The following RASAL2 variants were observed in gnomAD, a reference collection of about 807,000 sequenced individuals.
RASAL2 encodes ras GTPase-activating protein nGAP.
In RASAL2, 58 loss-of-function variants were observed where a neutral mutation model predicts 128.9. That is an observed-to-expected ratio of 0.45 (90% CI 0.36 to 0.56). RASAL2 has a LOEUF of 0.56. RASAL2 is among the 20% of genes least tolerant of loss of function. The pLI is 0.00. For synonymous variants in RASAL2, 561 were observed against 580.8 expected, an observed-to-expected ratio of 0.97 and a Z score of 0.49; for missense variants, 1,360 against 1,601.6, an observed-to-expected ratio of 0.85 and a Z score of 2.57.
chr1:178,423,135 A>G (rs1675269206), intron 5 of RASAL2, among the ~76,000 whole-genome samples: 1 of 152,162 alleles, frequency 6.6e-6, no homozygotes. Flanking sequence ...GTCAGTCCAC[A>G]TCATTCTTTT....
intron 3 of RASAL2, among the ~76,000 whole-genome samples, chr1:178,315,302 C>A (rs1473999053): frequency 1.4e-5 from 2 of 145,142 alleles, no homozygotes; most frequent in Non-Finnish European, 3.0e-5. Flanking sequence ...TGGGTATATA[C>A]CCAGTAATGG....
At chr1:178,122,708 C>T (rs1659759747) in intron 1 of RASAL2, among the ~76,000 whole-genome samples, 1 of 151,784 alleles carries the variant, frequency 6.6e-6, no homozygotes, top group Non-Finnish European at 1.5e-5. Flanking sequence ...TTTTGAATGT[C>T]TTGTAATATA....
chr1:178,441,010 G>A (rs1217412159), intron 6 of RASAL2, among the ~76,000 whole-genome samples: 1 of 149,186 alleles, frequency 6.7e-6, no homozygotes, highest in African/African-American at 2.5e-5. Flanking sequence ...TGCCTAAAAG[G>A]CCTTTAATTT....
In RASAL2 at chr1:178,243,398, T is replaced by A. The variant is rs2102059232; in HGVS notation, c.203-40166T>A. On this transcript the variant is annotated intron_variant, in intron 1 of 17. Transcript: ENST00000367649. ...GGTTTTGGCAGGACCTCCCAGCCTG[T>A]GAAAATGAGGAACACTTCCCAGCCT... Among the ~76,000 whole-genome samples the A allele has an allele frequency of 2.0e-5, 3 of 152,112 alleles. No individual in the cohort carries two copies. The Middle Eastern group carries it at 0.01, about 517-fold the overall frequency.
chr1:178,300,064 G>A lies in RASAL2; in HGVS notation c.403G>A (p.Val135Ile). ...GCGATGCCTGAGGAGAACTGTCAGT[G>A]TCCCTTCCGAGGGTCAGTTTCCCGA... ...KGRCLRRTVS[V>I]PSEGQFPEYP... The change falls in exon 3 of 18, where the codon GTC (valine) becomes ATC (isoleucine). Residue 135 changes from valine (V) to isoleucine (I), a missense_variant. Val to Ile is a conservative substitution (Grantham distance 29, BLOSUM62 3). Coordinates refer to ENST00000367649, the MANE Select transcript of RASAL2 (RefSeq NM_170692.4). 1.2e-6 allele frequency: 2 copies of A among 1,613,988 alleles called. No homozygotes were observed. The highest frequency in any genetic ancestry group is 1.3e-5 in the African/African-American group (1 of 75,042).
chr1:178,462,015 T>C (rs1232132191), intron 14 of RASAL2, among the ~76,000 whole-genome samples: 2 of 152,234 alleles, frequency 1.3e-5, no homozygotes, highest in Non-Finnish European at 2.9e-5. Flanking sequence ...AGGGAAGATA[T>C]TCCTAATGGG....
Position 178,449,129 on chromosome 1 carries a change from G to A in RASAL2, c.1628-2442G>A, listed in dbSNP as rs74131363. Among the ~76,000 whole-genome samples, 845 of 152,238 alleles carry A rather than the reference G, an allele frequency of 5.6e-3. 11 individuals carry two copies. Among genetic ancestry groups the A allele is most frequent in the African/African-American group, 0.019 (790 of 41,568 alleles). The stretch of plus-strand genomic sequence containing the variant: ...AGACTGCTTGAAGAATTTTCAGAGA[G>A]AATTGATTTTAAAAGTTGCCAGTAA... On this transcript the variant is annotated intron_variant, in intron 9 of 17. Coordinates refer to ENST00000367649, the MANE Select transcript of RASAL2 (RefSeq NM_170692.4).
Position 178,422,143 on chromosome 1 carries a change from CATT to C in RASAL2, c.674+1527_674+1529del, listed in dbSNP as rs1255456930. Among the ~76,000 whole-genome samples, 52 of 151,700 alleles carry C rather than the reference CATT, an allele frequency of 3.4e-4. 1 individual carries two copies. Among genetic ancestry groups the C allele is most frequent in the Non-Finnish European group, 8.8e-5 (6 of 67,864 alleles). ...GACAAGATTTTTTTTTTAAAGTTTACATTATTTTTTAACCTTGCACTAAATGTT... is the reference window on the plus strand; with the variant it reads ...GACAAGATTTTTTTTTTAAAGTTTACATTTTTTAACCTTGCACTAAATGTT... On this transcript the variant is annotated intron_variant, in intron 5 of 17. Transcript: ENST00000367649.
intron 9 of RASAL2, among the ~76,000 whole-genome samples, chr1:178,446,869 C>T (rs1677036703): frequency 6.6e-6 from 1 of 152,052 alleles, no homozygotes; most frequent in Non-Finnish European, 1.5e-5. Flanking sequence ...AGGTTAAAAA[C>T]AGACATTGAG....
chr1:178,345,727 G>A (rs939885580), intron 3 of RASAL2, among the ~76,000 whole-genome samples: 1 of 152,108 alleles, frequency 6.6e-6, no homozygotes, highest in Non-Finnish European at 1.5e-5. Flanking sequence ...TAAGTGAAGT[G>A]AAATAACAAA....
At chr1:178,235,578 A>C (rs79032009) in intron 1 of RASAL2, among the ~76,000 whole-genome samples, 1 of 151,938 alleles carries the variant, frequency 6.6e-6, no homozygotes, top group Non-Finnish European at 1.5e-5. Flanking sequence ...TTACTCCGCT[A>C]TCTCCTAAGT....
chr1:178,427,496 C>A (rs1157506192), intron 5 of RASAL2, among the ~76,000 whole-genome samples: 2 of 152,046 alleles, frequency 1.3e-5, no homozygotes, highest in Non-Finnish European at 2.9e-5. Flanking sequence ...TCAAAAGATA[C>A]CTGAAAGTAA....
intron 17 of RASAL2, 30 bp downstream of exon 17, chr1:178,467,451 A>C (rs2102952597): frequency 1.9e-6 from 3 of 1,574,674 alleles, no homozygotes; most frequent in Non-Finnish European, 2.6e-6. Context: ...AATAGAAGGC[A>C]CTTGTTTATA....
intron 1 of RASAL2, among the ~76,000 whole-genome samples, chr1:178,155,085 A>G (rs1661038553): frequency 6.6e-6 from 1 of 152,178 alleles, no homozygotes; most frequent in African/African-American, 2.4e-5. Context: ...GGCCTCCCAA[A>G]GTGCTGGGAT....
chr1:178,201,261 A>C (rs374991107), intron 1 of RASAL2, among the ~76,000 whole-genome samples: 2 of 152,202 alleles, frequency 1.3e-5, no homozygotes, highest in South Asian at 2.1e-4. Flanking sequence ...AGTTAAAAAA[A>C]GGTTCTAATA....
In RASAL2 at chr1:178,343,279, A is replaced by G. The variant is rs537203672; in HGVS notation, c.457+43161A>G. ...TAGTTTCATTACTCCTCTCGGCTAT[A>G]TCGGAAACCAAATTACCAAGTGAAT... is the stretch of plus-strand genomic sequence containing the variant. On this transcript the variant is annotated intron_variant, in intron 3 of 17. Transcript: ENST00000367649. 4.6e-5 allele frequency among the ~76,000 whole-genome samples: 7 copies of G among 152,316 alleles called. No homozygotes were observed. In the East Asian group the frequency reaches 7.7e-4, roughly 17 times the overall value.
In RASAL2 at chr1:178,094,588, G is replaced by A; in HGVS notation, c.96G>A (p.Glu32=). The A allele has an allele frequency of 1.2e-6, 2 of 1,610,012 alleles. No homozygotes were observed. Among genetic ancestry groups the A allele is most frequent in the Non-Finnish European group, 1.7e-6 (2 of 1,178,358 alleles). Reference sequence around the variant, plus strand: ...AGTCCGACTCGCCGCTGCCCCCGGAGGACCTGGACGCGGTTGTCCCAGTCA... The same window carrying A: ...AGTCCGACTCGCCGCTGCCCCCGGAAGACCTGGACGCGGTTGTCCCAGTCA... ...ALESDSPLPP[E]DLDAVVPVSG... is the part of the protein sequence containing the mutation. Residue 32 remains glutamate (E), a synonymous_variant, in exon 1 of 18, where the codon GAG becomes GAA. Coordinates refer to ENST00000367649, the MANE Select transcript of RASAL2 (RefSeq NM_170692.4).
chr1:178,268,953 G>C (rs1465321022), intron 1 of RASAL2, among the ~76,000 whole-genome samples: 1 of 152,074 alleles, frequency 6.6e-6, no homozygotes, highest in Non-Finnish European at 1.5e-5. Flanking sequence ...TTTAAATACT[G>C]TATGCTTTTT....
intron 3 of RASAL2, among the ~76,000 whole-genome samples, chr1:178,303,246 T>C (rs1434710911): frequency 6.6e-6 from 1 of 152,102 alleles, no homozygotes; most frequent in Non-Finnish European, 1.5e-5. Flanking sequence ...ATAGTGACCT[T>C]ATAACCATGC....
Sources: allele counts gnomAD v4.1 joint callset (sites outside exome capture counted in the v4.1 genomes callset), GRCh38; gene constraint gnomAD v4.1.1; transcripts MANE v1.5; gene names NCBI Gene and HGNC (gene_info 2026-07-23, HGNC 2026-07-21).